KIAA2012: variants seen among roughly 807,000 people sequenced by gnomAD.
KIAA2012 encodes KIAA2012.
A neutral mutation model predicts 150.6 loss-of-function variants in KIAA2012; 125 were observed. That is an observed-to-expected ratio of 0.83 (90% confidence interval 0.72 to 0.96). The LOEUF is 0.96. Ranked by LOEUF, KIAA2012 falls within the 40% of genes least tolerant of loss-of-function variation. KIAA2012 has a pLI of 0.00. For synonymous variants in KIAA2012, 462 were observed against 504.7 expected, an observed-to-expected ratio of 0.92 and a Z score of 1.13; for missense variants, 1,219 against 1,354.9, an observed-to-expected ratio of 0.90 and a Z score of 1.57.
At chr2:202,113,499 A>G in intron 11 of KIAA2012, 53 bp downstream of exon 11, 2 of 1,296,752 alleles carry the variant, frequency 1.5e-6, no homozygotes, top group Non-Finnish European at 2.1e-6. Flanking sequence ...AAAGGGGAAG[A>G]TGTTACCTGC....
chr2:202,081,062 T>C (rs184984828), intron 2 of KIAA2012, among the ~76,000 whole-genome samples: 178 of 152,348 alleles, frequency 1.2e-3, no homozygotes, highest in Admixed American at 3.1e-3. Flanking sequence ...TTGACTATTC[T>C]GAGAACTTCA....
At chr2:202,146,805 GAATAA>G (rs1691311952) in intron 13 of KIAA2012, among the ~76,000 whole-genome samples, 1 of 152,000 alleles carries the variant, frequency 6.6e-6, no homozygotes, top group Non-Finnish European at 1.5e-5. Context: ...TCTCAAAAAT[GAATAA>G]AATAAAATAA....
chr2:202,074,924 G>A lies in KIAA2012; in HGVS notation c.118G>A (p.Val40Ile), dbSNP rs1230268854. 1 of 1,550,600 alleles carries A rather than the reference G, an allele frequency of 6.4e-7. No individual in the cohort carries two copies. The highest frequency in any genetic ancestry group is 1.4e-5 in the African/African-American group (1 of 73,030). ...YLNWRSPEDY[V>I]PVSKPQDKNN... is the part of the protein sequence containing the mutation. ...GAACTGGAGGTCCCCAGAAGACTAT[G>A]TTCCTGTCAGCAAACCTCAAGATAA... is the stretch of plus-strand genomic sequence containing the variant. Residue 40 changes from valine to isoleucine, a missense_variant, in exon 2 of 24, where the codon GTT becomes ATT. Physicochemically the swap from Val to Ile is conservative, Grantham distance 29. Transcript: ENST00000498697.
At chr2:202,123,173 A>G (rs1453752149) in intron 11 of KIAA2012, among the ~76,000 whole-genome samples, 1 of 152,136 alleles carries the variant, frequency 6.6e-6, no homozygotes, top group Non-Finnish European at 1.5e-5. Flanking sequence ...CTACGAGGCA[A>G]AGGGCAGGGC....
chr2:202,174,508 A>C lies in KIAA2012; in HGVS notation c.2119+9152A>C, dbSNP rs185582896. 2.8e-4 allele frequency among the ~76,000 whole-genome samples: 42 copies of C among 152,366 alleles called. No homozygotes were observed. In the Middle Eastern group the frequency reaches 0.01, roughly 37 times the overall value. On this transcript the variant is annotated intron_variant, in intron 15 of 23. Transcript: ENST00000498697. ...ACAAAAGAATTCAGCAAGATTACTA[A>C]ATACAGATCAATACACAGAAATCAA...
intron 23 of KIAA2012, among the ~76,000 whole-genome samples, chr2:202,204,042 TACAGGCGTGAGCC>T (rs1692586622): frequency 6.6e-6 from 1 of 151,652 alleles, no homozygotes. Flanking sequence ...GTGCTGGGAT[TACAGGCGTGAGCC>T]ACCGCACCCA....
chr2:202,101,549 G>C (rs373242069), intron 7 of KIAA2012, among the ~76,000 whole-genome samples: 18 of 152,334 alleles, frequency 1.2e-4, no homozygotes, highest in African/African-American at 4.1e-4. Flanking sequence ...ACAGAGGAAA[G>C]CAATATTTTC....
intron 10 of KIAA2012, among the ~76,000 whole-genome samples, chr2:202,112,856 G>A (rs2105929231): frequency 6.6e-6 from 1 of 152,296 alleles, no homozygotes; most frequent in Middle Eastern, 3.4e-3. Context: ...ATCTTGACCT[G>A]AGCCCCTGGC....
intron 22 of KIAA2012, 52 bp downstream of exon 22, chr2:202,197,071 A>C (rs1281787927): frequency 6.5e-7 from 1 of 1,549,260 alleles, no homozygotes; most frequent in Admixed American, 2.0e-5. Context: ...CAAGGGCTTC[A>C]CTGTCCAGTG....
At chr2:202,091,134 G>A (rs1035569684) in intron 3 of KIAA2012, among the ~76,000 whole-genome samples, 8 of 152,190 alleles carry the variant, frequency 5.3e-5, no homozygotes, top group South Asian at 4.1e-4. Context: ...AGGGAAGAAC[G>A]GCCTGAAGTC....
intron 11 of KIAA2012, 60 bp from the exon 12 acceptor site, chr2:202,125,154 G>A: frequency 1.5e-6 from 2 of 1,331,576 alleles, no homozygotes; most frequent in Non-Finnish European, 2.1e-6. Context: ...TTCGGATAAG[G>A]GAATAAATTT....
At chr2:202,187,741 G>A (rs1334765802) in intron 17 of KIAA2012, among the ~76,000 whole-genome samples, 1 of 152,198 alleles carries the variant, frequency 6.6e-6, no homozygotes, top group Non-Finnish European at 1.5e-5. Context: ...TCATCTGCCT[G>A]AGGTTTCCTG....
chr2:202,086,316 T>C (rs567423350), intron 2 of KIAA2012, among the ~76,000 whole-genome samples: 2 of 152,242 alleles, frequency 1.3e-5, no homozygotes, highest in African/African-American at 4.8e-5. Flanking sequence ...CCTTACTGCA[T>C]TCAGAGGAAA....
Position 202,104,788 on chromosome 2 carries a change from C to T in KIAA2012, c.1325-973C>T, listed in dbSNP as rs771089415. Among the ~76,000 whole-genome samples, 5 of 152,070 alleles carry T rather than the reference C, an allele frequency of 3.3e-5. No homozygotes were observed. Among genetic ancestry groups the T allele is most frequent in the Non-Finnish European group, 7.4e-5 (5 of 68,012 alleles). ...TTACTGTGTCTAGGAATTGGCCAGC[C>T]CTGGGAGGGACAGTCAGGTCCCAGA... is the stretch of plus-strand genomic sequence containing the variant. On this transcript the variant is annotated intron_variant, in intron 8 of 23. Transcript: ENST00000498697. The surrounding 1 kb of genome is among the most constrained non-coding windows in gnomAD (Gnocchi z 4.3).
At chr2:202,196,667 C>A in intron 21 of KIAA2012, 133 bp from the exon 22 acceptor site, 2 of 1,109,934 alleles carry the variant, frequency 1.8e-6, no homozygotes, top group Non-Finnish European at 2.5e-6. Context: ...GAGGATCTGG[C>A]AGCCTGCTAG....
intron 15 of KIAA2012, among the ~76,000 whole-genome samples, chr2:202,176,941 C>A (rs1692002592): frequency 6.6e-6 from 1 of 152,026 alleles, no homozygotes; most frequent in South Asian, 2.1e-4. Context: ...AAGTTCATTC[C>A]CAGGTATCCT....
At chr2:202,158,206 G>A (rs567631296) in intron 14 of KIAA2012, among the ~76,000 whole-genome samples, 4 of 152,212 alleles carry the variant, frequency 2.6e-5, no homozygotes, top group Middle Eastern at 3.4e-3. Flanking sequence ...ATGTCAGCCA[G>A]GATGGTCTCC....
chr2:202,176,000 C>T (rs1691982104), intron 15 of KIAA2012, among the ~76,000 whole-genome samples: 1 of 152,150 alleles, frequency 6.6e-6, no homozygotes. Flanking sequence ...CTATTATTCA[C>T]TATATAATTT....
At chr2:202,180,959 A>G (rs931764077) in intron 15 of KIAA2012, among the ~76,000 whole-genome samples, 1 of 152,186 alleles carries the variant, frequency 6.6e-6, no homozygotes, top group Non-Finnish European at 1.5e-5. Flanking sequence ...ATACGATAAC[A>G]TACTGTGCTG....
Sources: gnomAD v4.1 joint callset for allele counts (sites outside exome capture counted in the v4.1 genomes callset) on GRCh38, gnomAD v4.1.1 for gene constraint, Gnocchi (gnomAD v3.1) non-coding constraint, MANE v1.5 for transcripts, NCBI Gene and HGNC (gene_info 2026-07-23, HGNC 2026-07-21) for gene names.